GABRB1: variants seen among roughly 807,000 people sequenced by gnomAD.
The protein encoded by GABRB1 is gamma-aminobutyric acid type A receptor subunit beta1.
Under a neutral mutation model 51.6 loss-of-function variants are expected in GABRB1, and 17 were observed. That is an observed-to-expected ratio of 0.33 (90% CI 0.23 to 0.49). GABRB1 has a LOEUF of 0.49. Among genes scored for constraint, GABRB1 ranks in the 20% least tolerant of loss-of-function variants. The pLI is 0.99. For synonymous variants in GABRB1, 247 were observed against 218.9 expected, an observed-to-expected ratio of 1.13 and a Z score of -1.14; for missense variants, 410 against 600.6, an observed-to-expected ratio of 0.68 and a Z score of 3.32.
intron 4 of GABRB1, among the ~76,000 whole-genome samples, chr4:47,319,009 A>T (rs2109961472): frequency 6.6e-6 from 1 of 152,222 alleles, no homozygotes; most frequent in Middle Eastern, 3.4e-3. Context: ...TACCACACAC[A>T]CTACTCTGCA....
At chr4:47,415,949 TC>T (rs1267953811) in intron 8 of GABRB1, among the ~76,000 whole-genome samples, 1 of 152,148 alleles carries the variant, frequency 6.6e-6, no homozygotes, top group Non-Finnish European at 1.5e-5. Flanking sequence ...GTTTCAGATT[TC>T]CCCATTCTGC....
At chr4:47,021,878 C>T (rs1724938972) in intron 1 of GABRB1, among the ~76,000 whole-genome samples, 2 of 151,924 alleles carry the variant, frequency 1.3e-5, no homozygotes, top group African/African-American at 4.8e-5. Flanking sequence ...GTATGAATGA[C>T]TTACTATACA....
At chr4:47,252,590 C>T (rs938932213) in intron 4 of GABRB1, among the ~76,000 whole-genome samples, 13 of 143,290 alleles carry the variant, frequency 9.1e-5, no homozygotes, top group African/African-American at 2.6e-4. Flanking sequence ...TCACTGCAAC[C>T]TCTGCTTGCC....
At chr4:47,151,157 CAA>C (rs1308628622) in intron 3 of GABRB1, among the ~76,000 whole-genome samples, 1 of 151,864 alleles carries the variant, frequency 6.6e-6, no homozygotes, top group Non-Finnish European at 1.5e-5. Flanking sequence ...CAAATGGGCC[CAA>C]TAGAGTCCTT....
At chr4:47,093,126 G>A (rs1301655829) in intron 3 of GABRB1, among the ~76,000 whole-genome samples, 1 of 152,110 alleles carries the variant, frequency 6.6e-6, no homozygotes. Context: ...TTCCCTAAAA[G>A]ATTCATGTTT....
chr4:47,292,495 C>A (rs775940763), intron 4 of GABRB1, among the ~76,000 whole-genome samples: 2 of 152,194 alleles, frequency 1.3e-5, no homozygotes, highest in African/African-American at 2.4e-5. Context: ...CCCTTGAGGG[C>A]TCTAATAAAT....
chr4:47,256,256 A>G (rs1722194868), intron 4 of GABRB1, among the ~76,000 whole-genome samples: 1 of 152,262 alleles, frequency 6.6e-6, no homozygotes, highest in Non-Finnish European at 1.5e-5. Flanking sequence ...TATATGAACT[A>G]GAATGGTTCT....
At chr4:47,022,714 A>T (rs1465297199) in intron 1 of GABRB1, among the ~76,000 whole-genome samples, 1 of 152,138 alleles carries the variant, frequency 6.6e-6, no homozygotes, top group African/African-American at 2.4e-5. Context: ...AATGTAAATT[A>T]GTACAATTAC....
intron 8 of GABRB1, among the ~76,000 whole-genome samples, chr4:47,412,822 G>T (rs555538658): frequency 6.6e-6 from 1 of 152,326 alleles, no homozygotes; most frequent in South Asian, 2.1e-4. Flanking sequence ...CATAGGGCAT[G>T]AAAGATTGGT....
intron 1 of GABRB1, among the ~76,000 whole-genome samples, chr4:47,004,012 A>G (rs374071078): frequency 6.6e-6 from 1 of 152,010 alleles, no homozygotes; most frequent in East Asian, 1.9e-4. Flanking sequence ...TTTGTTTTAG[A>G]TGGAGTATTG....
intron 4 of GABRB1, among the ~76,000 whole-genome samples, chr4:47,260,395 T>C (rs1405061533): frequency 1.3e-5 from 2 of 152,216 alleles, no homozygotes; most frequent in East Asian, 1.9e-4. Context: ...ATTTTGCTCA[T>C]TAGTTTATGC....
intron 4 of GABRB1, among the ~76,000 whole-genome samples, chr4:47,234,742 GTA>G (rs1248698759): frequency 1.3e-5 from 2 of 152,196 alleles, no homozygotes; most frequent in African/African-American, 4.8e-5. Flanking sequence ...AGATCTGAGT[GTA>G]TGTTTTGATA....
rs1560559127 is a variant in GABRB1 at position 47,150,184 on chromosome 4, CACACACACA to C, written c.241-11064_241-11056del. Reference sequence around the variant, plus strand: ...TATGCTTATACACACACACACACAACACACACACACACACACACACACACACACACACGC... The same window carrying C: ...TATGCTTATACACACACACACACAACCACACACACACACACACACACACGC... On this transcript the variant is annotated intron_variant, in intron 3 of 8. Coordinates refer to ENST00000295454, the MANE Select transcript of GABRB1 (RefSeq NM_000812.4). Among the ~76,000 whole-genome samples the C allele has an allele frequency of 1.6e-3, 7 of 4,282 alleles. No homozygotes were observed. In the East Asian group the frequency reaches 0.036, roughly 22 times the overall value. 2.8% of individuals were successfully genotyped at this position (4,282 alleles called of 152,430 possible).
At chr4:47,111,546 G>A (rs933853860) in intron 3 of GABRB1, among the ~76,000 whole-genome samples, 13 of 152,076 alleles carry the variant, frequency 8.5e-5, no homozygotes, top group Middle Eastern at 3.4e-3. Flanking sequence ...ATTCAGTTGC[G>A]TGTCAAAAAT....
intron 3 of GABRB1, among the ~76,000 whole-genome samples, chr4:47,115,018 C>A (rs1715403073): frequency 6.6e-6 from 1 of 152,084 alleles, no homozygotes; most frequent in African/African-American, 2.4e-5. Context: ...ATGAGTGAAT[C>A]CAAGATTATA....
intron 4 of GABRB1, among the ~76,000 whole-genome samples, chr4:47,307,221 C>T: frequency 6.6e-6 from 1 of 151,958 alleles, no homozygotes. Context: ...TTTTAAAAAA[C>T]TAGTGTTTTG....
intron 4 of GABRB1, among the ~76,000 whole-genome samples, chr4:47,199,469 C>T (rs1719815189): frequency 6.6e-6 from 1 of 152,112 alleles, no homozygotes; most frequent in South Asian, 2.1e-4. Context: ...GTAGGAGCCT[C>T]TTGTCTAACA....
intron 3 of GABRB1, among the ~76,000 whole-genome samples, chr4:47,159,984 A>G (rs1577961879): frequency 6.6e-6 from 1 of 152,246 alleles, no homozygotes; most frequent in Middle Eastern, 3.4e-3. Flanking sequence ...ATTCATATCA[A>G]AGACTTTAGG....
At chr4:47,288,268 T>TATTATTATG (rs1182137226) in intron 4 of GABRB1, among the ~76,000 whole-genome samples, 3 of 150,822 alleles carry the variant, frequency 2.0e-5, no homozygotes, top group African/African-American at 7.3e-5. Flanking sequence ...TTATTATTAT[T>TATTATTATG]ATTGTTATTA....
Sources: gnomAD v4.1 joint callset for allele counts (sites outside exome capture counted in the v4.1 genomes callset) on GRCh38, gnomAD v4.1.1 for gene constraint, MANE v1.5 for transcripts, NCBI Gene and HGNC (gene_info 2026-07-23, HGNC 2026-07-21) for gene names.